The following ATRX variants were observed in gnomAD, a reference collection of about 807,000 sequenced individuals.
The protein encoded by ATRX is chromatin remodeler ATRX.
A neutral mutation model predicts 172.6 loss-of-function variants in ATRX; 12 were observed. That is an observed-to-expected ratio of 0.07 (90% CI 0.04 to 0.11). ATRX has a LOEUF of 0.11. Ranked by LOEUF, ATRX falls within the 10% of genes least tolerant of loss-of-function variation. ATRX has a pLI of 1.00. For missense variants in ATRX, 1,368 were observed against 1,767.4 expected, an observed-to-expected ratio of 0.77 and a Z score of 4.05; for synonymous variants, 674 against 594.7, an observed-to-expected ratio of 1.13 and a Z score of -1.94.
Position 77,743,535 on chromosome X carries a change from G to A in ATRX, c.21-26292C>T, listed in dbSNP as rs1467861442. Among the ~76,000 whole-genome samples the A allele has an allele frequency of 1.8e-4, 20 of 111,150 alleles. No homozygotes were observed. In the Admixed American group the frequency reaches 1.9e-3, roughly 11 times the overall value. On this transcript the variant is annotated intron_variant, in intron 1 of 34. Coordinates refer to ENST00000373344, the MANE Select transcript of ATRX (RefSeq NM_000489.6). ...CTACCTGAAACACTCTGAAACACCA[G>A]AGTACTTCTCCCAGGGGACAGAGGT... is the stretch of plus-strand genomic sequence containing the variant.
At chrX:77,606,304 A>C (rs781845243) in intron 22 of ATRX, among the ~76,000 whole-genome samples, 1 of 111,009 alleles carries the variant, frequency 9.0e-6, no homozygotes, top group South Asian at 3.8e-4. Flanking sequence ...CCAAAGAAAA[A>C]TTAAAAAATG....
chrX:77,732,441 G>A (rs1303638779), intron 1 of ATRX, among the ~76,000 whole-genome samples: 1 of 111,742 alleles, frequency 8.9e-6, no homozygotes, highest in South Asian at 3.7e-4. Flanking sequence ...ATTCTGTGAG[G>A]CCAGTATTAC....
intron 1 of ATRX, among the ~76,000 whole-genome samples, chrX:77,724,152 C>A (rs1221021501): frequency 9.1e-6 from 1 of 110,035 alleles, no homozygotes; most frequent in African/African-American, 3.3e-5. Flanking sequence ...GTGGTGCATG[C>A]CTGTAATCCC....
intron 34 of ATRX, among the ~76,000 whole-genome samples, chrX:77,513,316 CAAAAAAAA>C (rs1217104194): frequency 3.9e-5 from 1 of 25,664 alleles, no homozygotes; most frequent in Non-Finnish European, 5.9e-5. Flanking sequence ...GACTCCGTCT[CAAAAAAAA>C]AAAAAAAAAA....
At chrX:77,583,467 T>C (rs2065900673) in intron 27 of ATRX, among the ~76,000 whole-genome samples, 1 of 110,270 alleles carries the variant, frequency 9.1e-6, no homozygotes, top group Non-Finnish European at 1.9e-5. Flanking sequence ...GAGACTGCGG[T>C]GAGCCAAGAT....
rs564033302 is a variant in ATRX, at chrX:77,511,631, G to A, written c.7201-3002C>T. Reference sequence around the variant, plus strand: ...ACAAAGATATTGAAATAATTTAAAAGAATCAAGCAGAAATTCTGGAGTCAA... The same window carrying A: ...ACAAAGATATTGAAATAATTTAAAAAAATCAAGCAGAAATTCTGGAGTCAA... On this transcript the variant is annotated intron_variant, in intron 34 of 34. Transcript: ENST00000373344. Among the ~76,000 whole-genome samples, 47 of 111,640 alleles carry A rather than the reference G, an allele frequency of 4.2e-4. No homozygotes were observed. In the Middle Eastern group the frequency reaches 0.018, roughly 44 times the overall value.
Position 77,589,896 on chromosome X carries a change from T to C in ATRX, c.6155A>G (p.Asp2052Gly). The C allele has an allele frequency of 8.3e-7, 1 of 1,210,458 alleles. No individual in the cohort carries two copies. Among genetic ancestry groups the C allele is most frequent in the Non-Finnish European group, 1.1e-6 (1 of 894,883 alleles). ...CTCCCTACTAGCTAATTCAAGAAAA[T>C]CTTCAATCAAGTCCAGAGATATGAG... ...QSLISLDLIE[D>G]FLELASREKT... is the part of the protein sequence containing the mutation. Residue 2052 changes from aspartate to glycine, a missense_variant, in exon 27 of 35, where the codon GAT becomes GGT. This residue lies in a region of ATRX where 45 missense variants were observed against 120.2 expected (regional missense o/e 0.37). Transcript: ENST00000373344.
chrX:77,716,109 A>ATTT (rs1557164558), intron 2 of ATRX, among the ~76,000 whole-genome samples: 60 of 67,917 alleles, frequency 8.8e-4, no homozygotes, highest in Non-Finnish European at 1.1e-3. Flanking sequence ...TGTCTCTAAA[A>ATTT]ATTTTTTTTT....
intron 1 of ATRX, among the ~76,000 whole-genome samples, chrX:77,736,768 C>T (rs1005710271): frequency 8.9e-6 from 1 of 111,882 alleles, no homozygotes; most frequent in Non-Finnish European, 1.9e-5. Flanking sequence ...ACCTGCATTC[C>T]CATGTTTATT....
chrX:77,756,480 G>A (rs1557190247), intron 1 of ATRX, among the ~76,000 whole-genome samples: 1 of 110,840 alleles, frequency 9.0e-6, no homozygotes, highest in African/African-American at 3.3e-5. Flanking sequence ...CAGGGCTGGT[G>A]GAGTTGGCAC....
intron 15 of ATRX, among the ~76,000 whole-genome samples, chrX:77,639,612 A>G (rs782130749): frequency 9.0e-6 from 1 of 111,254 alleles, no homozygotes; most frequent in South Asian, 3.8e-4. Flanking sequence ...ACTAATATAC[A>G]AGGCTTTAAT....
intron 1 of ATRX, among the ~76,000 whole-genome samples, chrX:77,729,406 T>C (rs1215247438): frequency 2.7e-5 from 3 of 112,017 alleles, no homozygotes; most frequent in Non-Finnish European, 5.6e-5. Context: ...ACAGAAGATA[T>C]TTTTCTTCTA....
chrX:77,546,922 C>T (rs1241354628), intron 30 of ATRX, among the ~76,000 whole-genome samples: 2 of 112,168 alleles, frequency 1.8e-5, no homozygotes, highest in Non-Finnish European at 3.8e-5. Flanking sequence ...CATTTGTTCA[C>T]ATAGCACATT....
rs1557207709 is a variant in ATRX, at chrX:77,786,031, G to T, written c.-30C>A. 1.7e-6 allele frequency: 2 copies of T among 1,184,893 alleles called. No homozygotes were observed. The highest frequency in any genetic ancestry group is 3.1e-5 in the East Asian group (1 of 32,338). On this transcript the variant is annotated 5_prime_UTR_variant, in exon 1 of 35. Transcript: ENST00000373344. ...TCGCTTGAACGCCTTGTCGGCTTCT[G>T]TGATTGCTGGGCGCCGATCTGCGCT...
chrX:77,779,179 G>A (rs1281848322), intron 1 of ATRX, among the ~76,000 whole-genome samples: 6 of 95,649 alleles, frequency 6.3e-5, no homozygotes, highest in Non-Finnish European at 8.1e-5. Flanking sequence ...TCCTGACCTC[G>A]TGATCCACCC....
intron 9 of ATRX, among the ~76,000 whole-genome samples, chrX:77,677,877 T>C (rs1557134611): frequency 9.0e-6 from 1 of 110,905 alleles, no homozygotes; most frequent in African/African-American, 3.3e-5. Flanking sequence ...AAAAAATCTA[T>C]AAAGGAAACA....
intron 12 of ATRX, 35 bp downstream of exon 12, chrX:77,663,347 A>T (rs782267063): frequency 8.3e-7 from 1 of 1,200,004 alleles, no homozygotes; most frequent in South Asian, 1.8e-5. Flanking sequence ...GTCTGGTCCA[A>T]TATGTTCTTT....
chrX:77,655,100 C>T (rs1041979484), intron 13 of ATRX, among the ~76,000 whole-genome samples: 4 of 110,553 alleles, frequency 3.6e-5, no homozygotes, highest in Admixed American at 2.9e-4. Context: ...TTCATAGAGA[C>T]AGAAAATAGA....
chrX:77,597,435 CA>C (rs1261765740), intron 25 of ATRX, among the ~76,000 whole-genome samples: 1 of 107,515 alleles, frequency 9.3e-6, no homozygotes, highest in Non-Finnish European at 1.9e-5. Context: ...TTCTGCACAG[CA>C]AAAACAAAAA....
Sources: gnomAD v4.1 joint callset for allele counts (sites outside exome capture counted in the v4.1 genomes callset) on GRCh38, gnomAD v4.1.1 for gene constraint, gnomAD v4.1.1 regional missense constraint, MANE v1.5 for transcripts, NCBI Gene and HGNC (gene_info 2026-07-23, HGNC 2026-07-21) for gene names.